The following LRMDA variants were observed in gnomAD, a reference collection of about 807,000 sequenced individuals.
The protein encoded by LRMDA is leucine-rich melanocyte differentiation-associated protein.
In LRMDA, 18 loss-of-function variants were observed where a neutral mutation model predicts 29.8. The observed-to-expected ratio is 0.60, with a 90% CI of 0.42 to 0.90. The LOEUF (loss-of-function observed/expected upper bound fraction) is 0.90. Among genes scored for constraint, LRMDA ranks in the 40% least tolerant of loss-of-function variants. LRMDA has a pLI of 0.00. For missense variants in LRMDA, 273 were observed against 273.9 expected (o/e 1.00, Z 0.02); for synonymous variants, 125 against 109.4 (o/e 1.14, Z -0.89).
chr10:75,876,127 G>A (rs1419241856), intron 2 of LRMDA, among the ~76,000 whole-genome samples: 1 of 152,208 alleles, frequency 6.6e-6, no homozygotes, highest in Non-Finnish European at 1.5e-5. Flanking sequence ...AGGCCTGATT[G>A]GAGGGCAGTG....
At chr10:76,074,980 G>A (rs1848934763) in intron 5 of LRMDA, among the ~76,000 whole-genome samples, 2 of 152,066 alleles carry the variant, frequency 1.3e-5, no homozygotes, top group Admixed American at 1.3e-4. Flanking sequence ...AGTCCTTCCT[G>A]GGTTCAGCCC....
At chr10:76,275,572 A>G (rs1840121072) in intron 5 of LRMDA, among the ~76,000 whole-genome samples, 1 of 152,208 alleles carries the variant, frequency 6.6e-6, no homozygotes, top group East Asian at 1.9e-4. Context: ...TCTGTCAGTA[A>G]TTTGATTTTT....
intron 6 of LRMDA, among the ~76,000 whole-genome samples, chr10:76,509,833 AAT>A (rs1842992297): frequency 6.6e-6 from 1 of 152,120 alleles, no homozygotes; most frequent in Non-Finnish European, 1.5e-5. Flanking sequence ...AATGAGTGAA[AAT>A]ATGTGTGTAT....
At chr10:76,321,193 G>C (rs1302916736) in intron 5 of LRMDA, among the ~76,000 whole-genome samples, 2 of 152,100 alleles carry the variant, frequency 1.3e-5, no homozygotes, top group Non-Finnish European at 2.9e-5. Flanking sequence ...ATTTTCCGTA[G>C]AGTATATATT....
At chr10:75,509,601 G>T (rs147183766) in intron 2 of LRMDA, among the ~76,000 whole-genome samples, 4 of 152,306 alleles carry the variant, frequency 2.6e-5, no homozygotes, top group African/African-American at 9.6e-5. Flanking sequence ...CCCCAGAGAG[G>T]TGGGTTGTCT....
intron 6 of LRMDA, among the ~76,000 whole-genome samples, chr10:76,392,956 A>G (rs4115411): frequency 2.6e-5 from 4 of 151,872 alleles, no homozygotes; most frequent in African/African-American, 9.7e-5. Context: ...TTTCTTTGCC[A>G]GGCATATTTT....
At chr10:76,071,471 C>A (rs1188547335) in intron 5 of LRMDA, among the ~76,000 whole-genome samples, 1 of 152,182 alleles carries the variant, frequency 6.6e-6, no homozygotes, top group Non-Finnish European at 1.5e-5. Flanking sequence ...ATATTTTTTT[C>A]TTCTTTGTGT....
At chr10:75,456,500 G>GC in intron 2 of LRMDA, among the ~76,000 whole-genome samples, 1 of 152,224 alleles carries the variant, frequency 6.6e-6, no homozygotes, top group African/African-American at 2.4e-5. Context: ...TTCTGTGAGT[G>GC]CCTTAGGGCC....
chr10:75,503,870 G>A (rs1287708000), intron 2 of LRMDA, among the ~76,000 whole-genome samples: 5 of 152,020 alleles, frequency 3.3e-5, no homozygotes, highest in Non-Finnish European at 7.4e-5. Flanking sequence ...GGCTTCATTT[G>A]GAAAGGTCAA....
intron 2 of LRMDA, among the ~76,000 whole-genome samples, chr10:75,766,755 G>C (rs1432492440): frequency 6.6e-6 from 1 of 151,764 alleles, no homozygotes; most frequent in African/African-American, 2.4e-5. Context: ...TTTAAGCCCC[G>C]CATGCATTAG....
intron 2 of LRMDA, among the ~76,000 whole-genome samples, chr10:75,533,645 T>G (rs536320756): frequency 3.9e-5 from 6 of 152,194 alleles, no homozygotes; most frequent in Non-Finnish European, 8.8e-5. Context: ...TGGAAAATCA[T>G]GGAGTGGGAA....
chr10:75,692,219 A>AAAAAATATATATATATATATAT (rs1353540469), intron 2 of LRMDA, among the ~76,000 whole-genome samples: 1 of 87,548 alleles, frequency 1.1e-5, no homozygotes, highest in African/African-American at 5.5e-5. Flanking sequence ...AAAAAAAAAA[A>AAAAAATATATATATATATATAT]ATATATATAT....
At chr10:75,612,282 T>C (rs1056403452) in intron 2 of LRMDA, among the ~76,000 whole-genome samples, 7 of 152,238 alleles carry the variant, frequency 4.6e-5, no homozygotes, top group African/African-American at 1.2e-4. Context: ...TGAACCGTGC[T>C]GGGCCCTTTA....
At chr10:75,998,846 A>G (rs776611756) in intron 2 of LRMDA, among the ~76,000 whole-genome samples, 48 of 152,210 alleles carry the variant, frequency 3.2e-4, no homozygotes, top group Admixed American at 2.6e-4. Flanking sequence ...TTAATAATGT[A>G]TTGCAGAGCA....
intron 5 of LRMDA, among the ~76,000 whole-genome samples, chr10:76,066,067 A>G (rs755866225): frequency 1.3e-5 from 2 of 152,174 alleles, no homozygotes; most frequent in Non-Finnish European, 2.9e-5. Context: ...GTGCTGACTA[A>G]TACCTAGGCA....
intron 4 of LRMDA, 64 bp downstream of exon 4, chr10:76,047,367 T>G (rs2132041460): frequency 6.8e-7 from 1 of 1,479,722 alleles, no homozygotes; most frequent in East Asian, 2.4e-5. Flanking sequence ...GGGGATGATA[T>G]TATACTCTGG....
intron 6 of LRMDA, among the ~76,000 whole-genome samples, chr10:76,516,615 A>T (rs1190097440): frequency 2.0e-5 from 3 of 151,632 alleles, no homozygotes; most frequent in Non-Finnish European, 4.4e-5. Flanking sequence ...TCCTTGTGAT[A>T]GTTTGCTGAG....
At chr10:76,379,524 CT>C (rs1230492359) in intron 6 of LRMDA, among the ~76,000 whole-genome samples, 1 of 151,948 alleles carries the variant, frequency 6.6e-6, no homozygotes, top group African/African-American at 2.4e-5. Flanking sequence ...CCATAGTAGT[CT>C]TTTATGAGCT....
chr10:75,935,106 C>G (rs1020798528), intron 2 of LRMDA, among the ~76,000 whole-genome samples: 2 of 152,122 alleles, frequency 1.3e-5, no homozygotes, highest in African/African-American at 4.8e-5. Context: ...AACAAGAATC[C>G]TTTTTCTTTC....
Sources: allele counts gnomAD v4.1 joint callset (sites outside exome capture counted in the v4.1 genomes callset), GRCh38; gene constraint gnomAD v4.1.1; transcripts MANE v1.5; gene names NCBI Gene and HGNC (gene_info 2026-07-23, HGNC 2026-07-21).